The following PRR16 variants were observed in gnomAD, a reference collection of about 807,000 sequenced individuals.
PRR16 encodes the protein protein Largen.
Under a neutral mutation model 18.2 loss-of-function variants are expected in PRR16, and 6 were observed. The observed-to-expected ratio is 0.33, with a 90% CI of 0.18 to 0.65. PRR16 has a LOEUF of 0.65. Among genes scored for constraint, PRR16 ranks in the 30% least tolerant of loss-of-function variants. The pLI, the probability that PRR16 is intolerant of heterozygous loss-of-function variation, is 0.74. For missense variants in PRR16, 412 were observed against 376.6 expected (o/e 1.09, Z -0.78); for synonymous variants, 151 against 147.8 (o/e 1.02, Z -0.16).
chr5:120,768,038 CCAGAAAGAAACCTCATTGAAAGTTAA>C, the PRR16 span, among the ~76,000 whole-genome samples: 3 of 151,760 alleles, frequency 2.0e-5, no homozygotes, highest in African/African-American at 7.2e-5. Context: ...TGTTATCACC[CCAGAAAGAAACCTCATTGAAAGTTAA>C]TTCTCATCCA....
the PRR16 span, among the ~76,000 whole-genome samples, chr5:120,791,623 CCA>C: frequency 7.1e-6 from 1 of 140,974 alleles, no homozygotes; most frequent in Admixed American, 7.1e-5. Flanking sequence ...ATCTATCTAT[CCA>C]TCCATCTATC....
intron 1 of PRR16, among the ~76,000 whole-genome samples, chr5:120,557,306 T>G (rs1752445478): frequency 6.6e-6 from 1 of 151,912 alleles, no homozygotes; most frequent in African/African-American, 2.4e-5. Flanking sequence ...ATTTCCAGTT[T>G]TTTGCTTGTT....
intron 1 of PRR16, among the ~76,000 whole-genome samples, chr5:120,596,814 G>A (rs1410458191): frequency 6.6e-6 from 1 of 151,090 alleles, no homozygotes; most frequent in Admixed American, 6.6e-5. Flanking sequence ...AATAAAATAT[G>A]CATAATTTTA....
At chr5:120,705,337 C>T in the PRR16 span, among the ~76,000 whole-genome samples, 1 of 152,052 alleles carries the variant, frequency 6.6e-6, no homozygotes, top group Admixed American at 6.6e-5. Flanking sequence ...TTATATTCTT[C>T]ATGATCTCCC....
rs539756159 is a variant in PRR16 at position 120,555,801 on chromosome 5, G to A, written c.159+91156G>A. Among the ~76,000 whole-genome samples the A allele has an allele frequency of 4.0e-5, 5 of 125,336 alleles. No individual in the cohort carries two copies. The South Asian group carries it at 1.3e-3, about 32-fold the overall frequency. The allele number at this position is 125,336 out of a possible 152,430, so 82.2% of individuals were successfully genotyped here. On this transcript the variant is annotated intron_variant, in intron 1 of 1. Coordinates refer to ENST00000407149, the MANE Select transcript of PRR16 (RefSeq NM_001300783.2). ...ACAATCTTCTAAATAACCTAGAAAGGTTTTTTTTTTTTTTATGTTTGAGTT... is the reference window on the plus strand; with the variant it reads ...ACAATCTTCTAAATAACCTAGAAAGATTTTTTTTTTTTTTATGTTTGAGTT...
chr5:120,493,889 A>G (rs946977001), intron 1 of PRR16, among the ~76,000 whole-genome samples: 2 of 151,888 alleles, frequency 1.3e-5, no homozygotes, highest in Non-Finnish European at 2.9e-5. Flanking sequence ...TTGCTAACCC[A>G]TTTTCCATGG....
At chr5:120,602,289 G>A (rs1754009919) in intron 1 of PRR16, among the ~76,000 whole-genome samples, 1 of 151,908 alleles carries the variant, frequency 6.6e-6, no homozygotes, top group Admixed American at 6.6e-5. Context: ...TCCCTGGTTA[G>A]TTATATTCCT....
the PRR16 span, among the ~76,000 whole-genome samples, chr5:120,777,732 A>G: frequency 6.6e-6 from 1 of 152,102 alleles, no homozygotes; most frequent in South Asian, 2.1e-4. Context: ...TACTAAGTTT[A>G]TTGTCCTTTG....
chr5:120,730,235 A>T, the PRR16 span, among the ~76,000 whole-genome samples: 1 of 152,152 alleles, frequency 6.6e-6, no homozygotes, highest in South Asian at 2.1e-4. Flanking sequence ...TAATCTTAGC[A>T]GCTCTCTACA....
intron 1 of PRR16, among the ~76,000 whole-genome samples, chr5:120,632,454 A>G (rs1041704746): frequency 6.6e-6 from 1 of 152,180 alleles, no homozygotes; most frequent in African/African-American, 2.4e-5. Context: ...AGAAAGGTGA[A>G]GTCAAATATA....
At chr5:120,684,335 C>A (rs1370642062) in intron 1 of PRR16, among the ~76,000 whole-genome samples, 1 of 152,162 alleles carries the variant, frequency 6.6e-6, no homozygotes, top group Non-Finnish European at 1.5e-5. Flanking sequence ...CACTTAAGAG[C>A]CTCATGAGGA....
chr5:120,735,827 A>T, the PRR16 span, among the ~76,000 whole-genome samples: 2 of 151,984 alleles, frequency 1.3e-5, no homozygotes, highest in African/African-American at 4.8e-5. Flanking sequence ...TTTAAATTTG[A>T]TATAGTCCCA....
chr5:120,718,097 G>C, the PRR16 span, among the ~76,000 whole-genome samples: 324 of 152,186 alleles, frequency 2.1e-3, 2 homozygotes, highest in African/African-American at 6.7e-3. Flanking sequence ...ATTGAGAGTG[G>C]AGGAGTTTCA....
intron 1 of PRR16, among the ~76,000 whole-genome samples, chr5:120,660,468 T>C (rs1756137912): frequency 6.6e-6 from 1 of 152,128 alleles, no homozygotes; most frequent in Non-Finnish European, 1.5e-5. Context: ...GGCAAGCCAA[T>C]ACTTTTTCAC....
intron 1 of PRR16, among the ~76,000 whole-genome samples, chr5:120,636,352 C>T (rs1039083279): frequency 6.6e-6 from 1 of 152,124 alleles, no homozygotes; most frequent in Non-Finnish European, 1.5e-5. Flanking sequence ...CATCTGGAGG[C>T]ATCACATTAC....
At chr5:120,519,049 C>A (rs948140471) in intron 1 of PRR16, among the ~76,000 whole-genome samples, 1 of 151,972 alleles carries the variant, frequency 6.6e-6, no homozygotes, top group South Asian at 2.1e-4. Flanking sequence ...TACGATTGAA[C>A]CTTCCCCCAT....
chr5:120,751,745 C>A, the PRR16 span, among the ~76,000 whole-genome samples: 2 of 141,672 alleles, frequency 1.4e-5, no homozygotes, highest in African/African-American at 2.5e-5. Context: ...GAAAATGAAC[C>A]AATCATATGG....
At chr5:120,554,323 A>T (rs1752345308) in intron 1 of PRR16, among the ~76,000 whole-genome samples, 1 of 151,940 alleles carries the variant, frequency 6.6e-6, no homozygotes, top group Non-Finnish European at 1.5e-5. Context: ...GTGGGCAGAA[A>T]TCATGAACAC....
chr5:120,787,101 G>T, the PRR16 span, among the ~76,000 whole-genome samples: 1 of 152,118 alleles, frequency 6.6e-6, no homozygotes, highest in African/African-American at 2.4e-5. Flanking sequence ...GATTGTACAA[G>T]ATCTTTCTGT....
Sources: allele counts gnomAD v4.1 joint callset (sites outside exome capture counted in the v4.1 genomes callset), GRCh38; gene constraint gnomAD v4.1.1; transcripts MANE v1.5; gene names NCBI Gene and HGNC (gene_info 2026-07-23, HGNC 2026-07-21).